ZDHHC17: variants seen among roughly 807,000 people sequenced by gnomAD.
The protein encoded by ZDHHC17 is zDHHC palmitoyltransferase 17, also known as palmitoyltransferase ZDHHC17.
ZDHHC17 carries 40 observed loss-of-function variants against 90.3 expected under a neutral mutation model. That is an observed-to-expected ratio of 0.44 (90% CI 0.34 to 0.58). ZDHHC17 has a LOEUF of 0.58. ZDHHC17 is among the 20% of genes least tolerant of loss of function. ZDHHC17 has a pLI of 0.01. For missense variants in ZDHHC17, 614 were observed against 780.8 expected, an observed-to-expected ratio of 0.79 and a Z score of 2.55; for synonymous variants, 235 against 252.4, an observed-to-expected ratio of 0.93 and a Z score of 0.65.
At chr12:76,843,571 C>T (rs1953461063) in intron 12 of ZDHHC17, among the ~76,000 whole-genome samples, 1 of 151,868 alleles carries the variant, frequency 6.6e-6, no homozygotes, top group Non-Finnish European at 1.5e-5. Flanking sequence ...TCAGGTATAG[C>T]ACTATTGAGA....
intron 9 of ZDHHC17, among the ~76,000 whole-genome samples, chr12:76,828,033 A>G (rs12229162): frequency 0.37 from 56,797 of 151,870 alleles, 11,322 homozygotes; most frequent in East Asian, 0.65. Context: ...GTTTGGATTC[A>G]TTTGTCAAAA....
intron 10 of ZDHHC17, among the ~76,000 whole-genome samples, chr12:76,831,759 A>C (rs909539037): frequency 2.6e-5 from 4 of 151,900 alleles, no homozygotes; most frequent in Non-Finnish European, 5.9e-5. Context: ...TGATCCTCCC[A>C]CCTCAGCCTC....
At chr12:76,765,357 G>A (rs186118239) in intron 1 of ZDHHC17, among the ~76,000 whole-genome samples, 1 of 152,262 alleles carries the variant, frequency 6.6e-6, no homozygotes, top group East Asian at 1.9e-4. Flanking sequence ...CTTTTATGTT[G>A]CATGTTAACA....
At position 76,783,310 on chromosome 12, in the gene ZDHHC17, T is replaced by C. The variant is rs1952648455; in HGVS notation, c.94-14124T>C. 2.0e-5 allele frequency among the ~76,000 whole-genome samples: 3 copies of C among 152,196 alleles called. No homozygotes were observed. In the South Asian group the frequency reaches 6.2e-4, roughly 31 times the overall value. ...GGAAAGAGATTTAATTGACTCACAGTGCCACATGGCTGGGGAGGCCTCAGG... is the reference window on the plus strand; with the variant it reads ...GGAAAGAGATTTAATTGACTCACAGCGCCACATGGCTGGGGAGGCCTCAGG... On this transcript the variant is annotated intron_variant, in intron 1 of 16. Transcript: ENST00000426126.
intron 10 of ZDHHC17, among the ~76,000 whole-genome samples, chr12:76,834,390 T>G (rs189512788): frequency 6.6e-6 from 1 of 152,298 alleles, no homozygotes. Flanking sequence ...TAATTGAGCT[T>G]CTTTAAACTC....
At chr12:76,815,771 C>T (rs1054734032) in intron 6 of ZDHHC17, 86 bp from the exon 7 acceptor site, 3 of 1,337,576 alleles carry the variant, frequency 2.2e-6, no homozygotes, top group Non-Finnish European at 2.9e-6. Context: ...CTACTGTAAG[C>T]ATAATCAGTT....
intron 5 of ZDHHC17, among the ~76,000 whole-genome samples, chr12:76,811,073 C>T (rs1313191618): frequency 6.6e-6 from 1 of 152,132 alleles, no homozygotes; most frequent in Non-Finnish European, 1.5e-5. Flanking sequence ...AAAGTAGAAG[C>T]TGTTTTGCAT....
intron 1 of ZDHHC17, among the ~76,000 whole-genome samples, chr12:76,782,190 G>A (rs1449615523): frequency 6.6e-6 from 1 of 152,162 alleles, no homozygotes; most frequent in African/African-American, 2.4e-5. Flanking sequence ...TTCTCTGTGG[G>A]TGAAAAACAA....
At chr12:76,816,893 T>C (rs1299022037) in intron 7 of ZDHHC17, among the ~76,000 whole-genome samples, 2 of 152,052 alleles carry the variant, frequency 1.3e-5, no homozygotes, top group Non-Finnish European at 2.9e-5. Context: ...CCATAAGAGA[T>C]TGATAAAATC....
chr12:76,823,606 G>T (rs1438249546), intron 8 of ZDHHC17, among the ~76,000 whole-genome samples: 1 of 152,132 alleles, frequency 6.6e-6, no homozygotes, highest in East Asian at 1.9e-4. Context: ...TTTGTATATC[G>T]TGTTTAGGCT....
chr12:76,775,994 CTGTT>C (rs1224007429), intron 1 of ZDHHC17, among the ~76,000 whole-genome samples: 2 of 152,018 alleles, frequency 1.3e-5, no homozygotes, highest in South Asian at 4.1e-4. Context: ...AATCTTCCAC[CTGTT>C]TGTGAGAGGT....
At chr12:76,842,768 T>C (rs1953451137) in intron 11 of ZDHHC17, 151 bp from the exon 12 acceptor site, 1 of 566,860 alleles carries the variant, frequency 1.8e-6, no homozygotes, top group South Asian at 2.4e-5. Context: ...TGCAATGAAA[T>C]AGCAGTAAAT....
intron 2 of ZDHHC17, 71 bp downstream of exon 2, chr12:76,797,608 C>T (rs1952835914): frequency 2.4e-6 from 3 of 1,224,704 alleles, no homozygotes; most frequent in Non-Finnish European, 3.4e-6. Flanking sequence ...GAATAACAGT[C>T]ATATTACTTT....
At chr12:76,775,660 A>G (rs1433529667) in intron 1 of ZDHHC17, among the ~76,000 whole-genome samples, 2 of 152,220 alleles carry the variant, frequency 1.3e-5, no homozygotes, top group Admixed American at 6.5e-5. Flanking sequence ...AATGGTGCAT[A>G]TTATAATCAA....
intron 9 of ZDHHC17, 139 bp downstream of exon 9, chr12:76,827,189 T>C (rs1190993253): frequency 2.1e-5 from 20 of 960,296 alleles, no homozygotes; most frequent in South Asian, 2.0e-4. Context: ...ATGTGAAATA[T>C]GAGATTTTTT....
At position 76,832,923 on chromosome 12, in the gene ZDHHC17, C is replaced by T. The variant is rs574257566; in HGVS notation, c.1141+4433C>T. Among the ~76,000 whole-genome samples the T allele has an allele frequency of 7.2e-5, 11 of 152,118 alleles. No individual in the cohort carries two copies. In the East Asian group the frequency reaches 9.6e-4, roughly 13 times the overall value. ...AATTTTTCACTGTTTTGTTCATGCC[C>T]GTTGAATTCATGGCACTTTTTCAGT... On this transcript the variant is annotated intron_variant, in intron 10 of 16. Transcript: ENST00000426126.
At chr12:76,822,130 G>A (rs1254438682) in intron 7 of ZDHHC17, among the ~76,000 whole-genome samples, 1 of 152,092 alleles carries the variant, frequency 6.6e-6, no homozygotes, top group Admixed American at 6.6e-5. Context: ...GATCCAGCAG[G>A]TACTAAAATA....
intron 7 of ZDHHC17, among the ~76,000 whole-genome samples, chr12:76,821,681 GAAATA>G: frequency 6.6e-6 from 1 of 152,170 alleles, no homozygotes; most frequent in South Asian, 2.1e-4. Context: ...TGCAAAAGGA[GAAATA>G]AGATTTTAAA....
intron 1 of ZDHHC17, among the ~76,000 whole-genome samples, chr12:76,765,372 A>G (rs1361738325): frequency 6.6e-6 from 1 of 152,204 alleles, no homozygotes; most frequent in Non-Finnish European, 1.5e-5. Flanking sequence ...TTAACACTCA[A>G]CCACCCTCTC....
Sources: gnomAD v4.1 joint callset for allele counts (sites outside exome capture counted in the v4.1 genomes callset) on GRCh38, gnomAD v4.1.1 for gene constraint, MANE v1.5 for transcripts, NCBI Gene and HGNC (gene_info 2026-07-23, HGNC 2026-07-21) for gene names.